Variants in ZBTB7C observed in about 807,000 individuals in gnomAD.
ZBTB7C encodes the protein zinc finger and BTB domain-containing protein 7C.
ZBTB7C carries 8 observed loss-of-function variants against 25.7 expected under a neutral mutation model. The ratio of observed to expected loss-of-function variants is 0.31; its 90% confidence interval spans 0.18 to 0.56. ZBTB7C has a LOEUF of 0.56. Ranked by LOEUF, ZBTB7C falls within the 20% of genes least tolerant of loss-of-function variation. The pLI, the probability that ZBTB7C is intolerant of heterozygous loss-of-function variation, is 0.91. For missense variants in ZBTB7C, 824 were observed against 855.2 expected, an observed-to-expected ratio of 0.96 and a Z score of 0.46; for synonymous variants, 394 against 369.0, an observed-to-expected ratio of 1.07 and a Z score of -0.78.
chr18:48,101,932 C>T (rs1335011326), intron 3 of ZBTB7C, among the ~76,000 whole-genome samples: 1 of 152,132 alleles, frequency 6.6e-6, no homozygotes, highest in Non-Finnish European at 1.5e-5. Context: ...ACCAAGCTGC[C>T]TGTCTAATAC....
intron 3 of ZBTB7C, among the ~76,000 whole-genome samples, chr18:48,058,259 A>G (rs1018754332): frequency 6.6e-6 from 1 of 152,188 alleles, no homozygotes; most frequent in Non-Finnish European, 1.5e-5. Flanking sequence ...GGACCCACTC[A>G]AGGGGCCCAG....
chr18:48,313,396 C>T (rs1314632221), intron 2 of ZBTB7C, among the ~76,000 whole-genome samples: 3 of 152,202 alleles, frequency 2.0e-5, no homozygotes, highest in African/African-American at 7.2e-5. Context: ...CACCTTGGTG[C>T]TTAGGCCCTG....
intron 3 of ZBTB7C, among the ~76,000 whole-genome samples, chr18:48,127,255 G>C (rs1402521913): frequency 6.6e-6 from 1 of 152,194 alleles, no homozygotes; most frequent in Admixed American, 6.5e-5. Context: ...CTAAGAGGCT[G>C]TGCCATACTG....
intron 2 of ZBTB7C, among the ~76,000 whole-genome samples, chr18:48,267,995 G>T (rs1480516305): frequency 1.3e-5 from 2 of 152,172 alleles, no homozygotes; most frequent in Non-Finnish European, 2.9e-5. Flanking sequence ...GCTTCTAAAT[G>T]TCTCTGTCTC....
At chr18:48,101,119 C>T (rs561610609) in intron 3 of ZBTB7C, among the ~76,000 whole-genome samples, 9 of 152,276 alleles carry the variant, frequency 5.9e-5, no homozygotes, top group South Asian at 4.2e-4. Context: ...CTGGCCTCTC[C>T]GGAACCCTCC....
chr18:48,153,950 G>C (rs1271995364), intron 3 of ZBTB7C, among the ~76,000 whole-genome samples: 1 of 152,198 alleles, frequency 6.6e-6, no homozygotes. Context: ...CTGAGGAAAG[G>C]GTCAGGAAGT....
chr18:48,121,058 C>T (rs2039611915), intron 3 of ZBTB7C, among the ~76,000 whole-genome samples: 1 of 152,200 alleles, frequency 6.6e-6, no homozygotes, highest in Admixed American at 6.5e-5. Context: ...GGAAAGCAGC[C>T]ACTTCTCACA....
chr18:48,177,427 G>A (rs904795554), intron 3 of ZBTB7C, among the ~76,000 whole-genome samples: 1 of 152,210 alleles, frequency 6.6e-6, no homozygotes, highest in East Asian at 1.9e-4. Context: ...TAAGGGACCT[G>A]AGGTGGCATT....
At chr18:48,122,290 A>C (rs1035160099) in intron 3 of ZBTB7C, among the ~76,000 whole-genome samples, 1 of 152,220 alleles carries the variant, frequency 6.6e-6, no homozygotes, top group African/African-American at 2.4e-5. Context: ...TATAATATTC[A>C]ACTGAATGGA....
chr18:48,374,262 G>A (rs573022393), intron 1 of ZBTB7C: 22 of 152,292 alleles, frequency 1.4e-4, no homozygotes, highest in Admixed American at 1.2e-3. Context: ...GGATGTTTAC[G>A]AACACACAAA....
intron 3 of ZBTB7C, among the ~76,000 whole-genome samples, chr18:48,070,643 A>G (rs2037508750): frequency 6.6e-6 from 1 of 152,178 alleles, no homozygotes; most frequent in Non-Finnish European, 1.5e-5. Context: ...CACACTCCCC[A>G]TTCATTGCTC....
intron 2 of ZBTB7C, among the ~76,000 whole-genome samples, chr18:48,242,223 A>C (rs2043549440): frequency 6.6e-6 from 1 of 152,194 alleles, no homozygotes; most frequent in African/African-American, 2.4e-5. Flanking sequence ...GTCAACAAAA[A>C]AGTCTAGGAC....
chr18:48,042,194 C>T (rs1180672914), intron 3 of ZBTB7C, among the ~76,000 whole-genome samples: 15 of 152,200 alleles, frequency 9.9e-5, no homozygotes, highest in Admixed American at 9.8e-4. Context: ...AGTAAAGCCC[C>T]TTCCTCATCC....
intron 2 of ZBTB7C, among the ~76,000 whole-genome samples, chr18:48,267,714 C>T (rs1453575351): frequency 3.9e-5 from 6 of 152,130 alleles, no homozygotes; most frequent in African/African-American, 1.4e-4. Context: ...GAGGGTGGAG[C>T]CCTCCTGAAT....
In ZBTB7C at chr18:48,328,005, G is replaced by A. The variant is rs1247461765; in HGVS notation, c.-79+10169C>T. Among the ~76,000 whole-genome samples the A allele has an allele frequency of 2.6e-5, 4 of 151,896 alleles. No homozygotes were observed. The East Asian group carries it at 5.8e-4, about 22-fold the overall frequency. On this transcript the variant is annotated intron_variant, in intron 2 of 4. Transcript: ENST00000590800. ...GGGCGGATCACGAGGTCAGGAGATC[G>A]AGACCATCCTGGCTAACACGGTGAA... is the stretch of plus-strand genomic sequence containing the variant.
chr18:48,086,080 G>T (rs1174372239), intron 3 of ZBTB7C, among the ~76,000 whole-genome samples: 1 of 152,170 alleles, frequency 6.6e-6, no homozygotes, highest in Non-Finnish European at 1.5e-5. Flanking sequence ...CCTTTGACAG[G>T]TCCCCACCTT....
At chr18:48,238,335 C>T (rs184145893) in intron 2 of ZBTB7C, among the ~76,000 whole-genome samples, 1 of 152,314 alleles carries the variant, frequency 6.6e-6, no homozygotes, top group Admixed American at 6.5e-5. Flanking sequence ...TGAAGACTCC[C>T]ATTGTGAACT....
chr18:48,188,469 T>A (rs4940314), intron 2 of ZBTB7C, among the ~76,000 whole-genome samples: 2 of 152,048 alleles, frequency 1.3e-5, no homozygotes, highest in East Asian at 1.9e-4. Context: ...TCCAGCCCCA[T>A]GATTCAATTA....
chr18:48,109,420 G>A (rs1222876785), intron 3 of ZBTB7C, among the ~76,000 whole-genome samples: 1 of 151,690 alleles, frequency 6.6e-6, no homozygotes. Context: ...AGATCTAGAC[G>A]TCACACATGA....
Sources: allele counts gnomAD v4.1 joint callset (sites outside exome capture counted in the v4.1 genomes callset), GRCh38; gene constraint gnomAD v4.1.1; transcripts MANE v1.5; gene names NCBI Gene and HGNC (gene_info 2026-07-23, HGNC 2026-07-21).